Variants in PPARG observed in about 807,000 individuals in gnomAD.
The protein encoded by PPARG is peroxisome proliferator-activated receptor gamma.
A neutral mutation model predicts 39.2 loss-of-function variants in PPARG; 17 were observed. That is an observed-to-expected ratio of 0.43 (90% confidence interval 0.30 to 0.65). The LOEUF is 0.65. PPARG is among the 30% of genes least tolerant of loss of function. The pLI is 0.13. For missense variants in PPARG, 406 were observed against 585.9 expected (o/e 0.69, Z 3.17); for synonymous variants, 223 against 215.7 (o/e 1.03, Z -0.30).
At chr3:12,370,795 A>T (rs1397397368) in intron 2 of PPARG, among the ~76,000 whole-genome samples, 1 of 152,238 alleles carries the variant, frequency 6.6e-6, no homozygotes, top group East Asian at 1.9e-4. Context: ...TTAAAGGAAC[A>T]TTATTAACAT....
chr3:12,371,302 A>G (rs867424875), intron 2 of PPARG, among the ~76,000 whole-genome samples: 12 of 152,194 alleles, frequency 7.9e-5, no homozygotes, highest in Admixed American at 1.3e-4. Context: ...AGCTGTGCCC[A>G]TCCTTCTTCA....
intron 4 of PPARG, among the ~76,000 whole-genome samples, chr3:12,385,437 G>T (rs10510419): frequency 0.14 from 21,165 of 152,154 alleles, 1,631 homozygotes; most frequent in Admixed American, 0.21. Context: ...AGATTCTTGG[G>T]TATGTTAATA....
Position 12,368,336 on chromosome 3 carries a change from CA to C in PPARG, c.-8-11367del, listed in dbSNP as rs2049092304. Among the ~76,000 whole-genome samples the C allele has an allele frequency of 4.6e-5, 7 of 152,098 alleles. No individual in the cohort carries two copies. In the South Asian group the frequency reaches 1.2e-3, roughly 27 times the overall value. On this transcript the variant is annotated intron_variant, in intron 2 of 7. Coordinates refer to ENST00000651735, the MANE Select transcript of PPARG (RefSeq NM_138711.6). Reference sequence around the variant, plus strand: ...AGCTGGGACTACAGGCCTGCGCCACCACGCCCGGCTAATTTTTGTATTTTTG... The same window carrying C: ...AGCTGGGACTACAGGCCTGCGCCACCCGCCCGGCTAATTTTTGTATTTTTG...
chr3:12,396,724 C>T (rs112819502), intron 5 of PPARG, among the ~76,000 whole-genome samples: 8 of 146,580 alleles, frequency 5.5e-5, no homozygotes, highest in African/African-American at 1.3e-4. Context: ...CACCACTGCA[C>T]TCCAGTCTGG....
At chr3:12,319,931 T>A (rs551371786) in intron 2 of PPARG, among the ~76,000 whole-genome samples, 34 of 152,322 alleles carry the variant, frequency 2.2e-4, no homozygotes, top group African/African-American at 8.2e-4. Context: ...ACTGTAATAA[T>A]TGCCTTGACT....
At chr3:12,402,680 T>C (rs2050516685) in intron 5 of PPARG, among the ~76,000 whole-genome samples, 1 of 152,164 alleles carries the variant, frequency 6.6e-6, no homozygotes, top group Admixed American at 6.5e-5. Context: ...ATTGAGTGGA[T>C]GGATGGCCCA....
intron 2 of PPARG, among the ~76,000 whole-genome samples, chr3:12,359,501 A>G (rs536405917): frequency 3.0e-4 from 46 of 152,264 alleles, no homozygotes; most frequent in African/African-American, 1.1e-3. Context: ...TGATCCAAAC[A>G]TAGTAACTTC....
chr3:12,326,185 C>T (rs986034552), intron 2 of PPARG, among the ~76,000 whole-genome samples: 2 of 152,184 alleles, frequency 1.3e-5, no homozygotes, highest in African/African-American at 4.8e-5. Context: ...ACTCCACCCC[C>T]TACCCCCAAA....
intron 2 of PPARG, among the ~76,000 whole-genome samples, chr3:12,367,282 A>G (rs181397637): frequency 1.6e-4 from 25 of 152,348 alleles, no homozygotes; most frequent in Non-Finnish European, 3.2e-4. Flanking sequence ...TAGAATTTCA[A>G]CTAAACCAAA....
intron 2 of PPARG, among the ~76,000 whole-genome samples, chr3:12,353,453 A>G (rs1158520526): frequency 6.6e-6 from 1 of 152,180 alleles, no homozygotes; most frequent in East Asian, 1.9e-4. Flanking sequence ...AATTAGCTAT[A>G]TGATCATCAT....
At chr3:12,398,293 G>A (rs1002023425) in intron 5 of PPARG, among the ~76,000 whole-genome samples, 1 of 152,152 alleles carries the variant, frequency 6.6e-6, no homozygotes, top group African/African-American at 2.4e-5. Flanking sequence ...GAAATTGAGA[G>A]AAATATCAGA....
chr3:12,404,709 C>T (rs1367179349), intron 5 of PPARG, among the ~76,000 whole-genome samples: 1 of 152,162 alleles, frequency 6.6e-6, no homozygotes, highest in African/African-American at 2.4e-5. Context: ...GAGGCTGAGG[C>T]AGGAGAATCG....
intron 2 of PPARG, chr3:12,327,860 CAAAG>C (rs1225732579): frequency 2.1e-6 from 1 of 479,124 alleles, no homozygotes; most frequent in Non-Finnish European, 3.7e-6. Flanking sequence ...TTATCACAAA[CAAAG>C]CAAGCAAACT....
intron 5 of PPARG, among the ~76,000 whole-genome samples, chr3:12,398,573 T>C (rs1386248678): frequency 1.3e-5 from 2 of 152,210 alleles, no homozygotes; most frequent in Non-Finnish European, 2.9e-5. Context: ...GCACCCATTG[T>C]AGGTTAGAGA....
At chr3:12,401,553 C>T (rs565051302) in intron 5 of PPARG, among the ~76,000 whole-genome samples, 12 of 148,440 alleles carry the variant, frequency 8.1e-5, no homozygotes, top group African/African-American at 3.0e-4. Context: ...TCAAAAGCAA[C>T]GAAATAATAA....
At chr3:12,310,791 T>TAA (rs761238501) in intron 1 of PPARG, among the ~76,000 whole-genome samples, 1,742 of 50,294 alleles carry the variant, frequency 0.035, 64 homozygotes, top group African/African-American at 0.039. Flanking sequence ...GCCTTAAATG[T>TAA]AAAAAAAAAA....
At chr3:12,371,402 G>T (rs2049208555) in intron 2 of PPARG, among the ~76,000 whole-genome samples, 1 of 152,130 alleles carries the variant, frequency 6.6e-6, no homozygotes, top group Admixed American at 6.6e-5. Context: ...CCAAGATAAT[G>T]CTTACTTTAT....
At chr3:12,334,132 A>T (rs2047942199) in intron 2 of PPARG, among the ~76,000 whole-genome samples, 1 of 152,120 alleles carries the variant, frequency 6.6e-6, no homozygotes, top group African/African-American at 2.4e-5. Context: ...TCTTTGTATA[A>T]TATTTCCCAC....
intron 6 of PPARG, among the ~76,000 whole-genome samples, chr3:12,414,468 A>AT (rs1003590405): frequency 4.0e-5 from 6 of 151,584 alleles, no homozygotes; most frequent in South Asian, 2.1e-4. Flanking sequence ...AAATGAAATA[A>AT]TTTTTTTTTA....
Sources: allele counts gnomAD v4.1 joint callset (sites outside exome capture counted in the v4.1 genomes callset), GRCh38; gene constraint gnomAD v4.1.1; transcripts MANE v1.5; gene names NCBI Gene and HGNC (gene_info 2026-07-23, HGNC 2026-07-21).